Variants in MAPKBP1 observed in about 807,000 individuals in gnomAD.
MAPKBP1 encodes the protein mitogen-activated protein kinase binding protein 1.
A neutral mutation model predicts 170.5 loss-of-function variants in MAPKBP1; 71 were observed. The ratio of observed to expected loss-of-function variants is 0.42; its 90% CI spans 0.34 to 0.51. The LOEUF is 0.51. Ranked by LOEUF, MAPKBP1 falls within the 20% of genes least tolerant of loss-of-function variation. The probability of loss-of-function intolerance (pLI) is 0.06; values close to 1 mark genes in which losing one functional copy is unlikely to be tolerated. For synonymous variants in MAPKBP1, 719 were observed against 757.9 expected (o/e 0.95, Z 0.84); for missense variants, 1,598 against 1,933.0 (o/e 0.83, Z 3.25).
chr15:41,824,437 A>G (rs924435200), intron 29 of MAPKBP1, 47 bp from the exon 30 acceptor site: 2 of 1,525,802 alleles, frequency 1.3e-6, no homozygotes, highest in East Asian at 2.4e-5. Flanking sequence ...CGGAGGCCTG[A>G]AAGGGCTACA....
rs767527456 is a variant in MAPKBP1, at chr15:41,824,568, C to G, written c.4298C>G (p.Ser1433Trp). Reference protein sequence around the residue: ...SVRQAVRLYHSVAGCKMPSAE... With the variant: ...SVRQAVRLYHWVAGCKMPSAE... The stretch of plus-strand genomic sequence containing the variant: ...CGCCAGGCAGTGCGGCTCTACCACT[C>G]GGTGGGTGTTAGGTGCCCCCCGGCA... Residue 1433 changes from serine (S) to tryptophan (W), a missense_variant and splice_region_variant, in exon 30 of 31, where the codon TCG (serine) becomes TGG (tryptophan). Around this residue, in one of 6 missense-constraint regions of MAPKBP1, gnomAD observed 942 missense variants for 953.2 expected, o/e 0.99. Transcript: ENST00000457542. 1 of 1,591,700 alleles carries G rather than the reference C, an allele frequency of 6.3e-7. No individual in the cohort carries two copies. The highest frequency in any genetic ancestry group is 2.3e-5 in the East Asian group (1 of 44,132).
At chr15:41,802,494 G>C (rs375484840) in intron 3 of MAPKBP1, among the ~76,000 whole-genome samples, 6 of 151,882 alleles carry the variant, frequency 4.0e-5, no homozygotes, top group Non-Finnish European at 5.9e-5. Flanking sequence ...TTTTTTCCGA[G>C]ATGGAGTCTC....
Position 41,823,761 on chromosome 15 carries a change from G to T in MAPKBP1, c.3913G>T (p.Ala1305Ser), listed in dbSNP as rs751744892. 5 of 1,614,112 alleles carry T rather than the reference G, an allele frequency of 3.1e-6. No individual in the cohort carries two copies. The highest frequency in any genetic ancestry group is 4.2e-6 in the Non-Finnish European group (5 of 1,180,036). ...PKPLPDRPTL[A>S]AFSPVTKGRA... ...ACCACTGCCTGACCGTCCTACCCTG[G>T]CTGCATTCTCTCCTGTCACCAAAGG... The change falls in exon 29 of 31, where the codon GCT (alanine) becomes TCT (serine). Residue 1305 changes from alanine (A) to serine (S), a missense_variant. By Grantham distance (99) the Ala-to-Ser change is moderately conservative (BLOSUM62 1). Transcript: ENST00000457542.
At chr15:41,795,300 G>C (rs969182498) in intron 2 of MAPKBP1, among the ~76,000 whole-genome samples, 1 of 152,176 alleles carries the variant, frequency 6.6e-6, no homozygotes, top group African/African-American at 2.4e-5. Context: ...CAGGAAATTA[G>C]CTTTGTGCAT....
intron 29 of MAPKBP1, 130 bp downstream of exon 29, chr15:41,824,191 G>T (rs547637383): frequency 7.7e-7 from 1 of 1,298,356 alleles, no homozygotes; most frequent in Non-Finnish European, 1.1e-6. Flanking sequence ...TGCTCCTGTC[G>T]CAGGTCCGTA....
intron 3 of MAPKBP1, among the ~76,000 whole-genome samples, chr15:41,800,793 C>A (rs1005593625): frequency 6.6e-6 from 1 of 152,116 alleles, no homozygotes; most frequent in African/African-American, 2.4e-5. Context: ...CTTTTTGTTG[C>A]CCAGCCTGGA....
chr15:41,794,092 C>T (rs1169566875), intron 2 of MAPKBP1, among the ~76,000 whole-genome samples: 2 of 152,090 alleles, frequency 1.3e-5, no homozygotes, highest in African/African-American at 2.4e-5. Context: ...ATTAGCCAGA[C>T]ACGATGGTGG....
chr15:41,821,909 G>A, intron 24 of MAPKBP1, 56 bp from the exon 25 acceptor site: 1 of 1,587,502 alleles, frequency 6.3e-7, no homozygotes, highest in Middle Eastern at 2.2e-4. Context: ...AGTCCAGCGG[G>A]GCTGCTGCCT....
intron 12 of MAPKBP1, 54 bp from the exon 13 acceptor site, chr15:41,816,505 A>G: frequency 8.0e-7 from 1 of 1,244,862 alleles, no homozygotes; most frequent in Non-Finnish European, 1.2e-6. Flanking sequence ...AGGGGGCGTG[A>G]GTCCTTCCTG....
At position 41,817,631 on chromosome 15, in the gene MAPKBP1, G is replaced by A; in HGVS notation, c.1800G>A (p.Gln600=). ...CCCTGCAGTCTGGAGATGGAGTGCA[G>A]TTCACACGGACACACCACGTGGTGC... ...RTAQKSGDGV[Q]FTRTHHVVRK... is the part of the protein sequence containing the mutation. Residue 600 remains glutamine, a synonymous_variant, in exon 16 of 31, where the codon CAG becomes CAA. Transcript: ENST00000457542. The surrounding 1 kb of genome is among the most constrained non-coding windows in gnomAD (Gnocchi z 4.2). The A allele has an allele frequency of 2.5e-6, 4 of 1,614,210 alleles. No homozygotes were observed. The highest frequency in any genetic ancestry group is 3.4e-6 in the Non-Finnish European group (4 of 1,180,024).
rs2064602723 is a variant in MAPKBP1, at chr15:41,801,976, A to C, written c.206+2062A>C. Among the ~76,000 whole-genome samples the C allele has an allele frequency of 1.3e-5, 2 of 152,208 alleles. 1 individual carries two copies. Among genetic ancestry groups the C allele is most frequent in the South Asian group, 4.1e-4 (2 of 4,834 alleles). ...GCAGTTTCGTTGTTGAGTGAACATT[A>C]CAGAGTATACTTACACAAACCCTAG... On this transcript the variant is annotated intron_variant, in intron 3 of 30. Transcript: ENST00000457542.
chr15:41,812,843 T>G, intron 7 of MAPKBP1, 76 bp from the exon 8 acceptor site: 1 of 1,513,084 alleles, frequency 6.6e-7, no homozygotes, highest in Non-Finnish European at 8.8e-7. Context: ...AGGCGTCCCC[T>G]GTACTCTCCT....
intron 10 of MAPKBP1, among the ~76,000 whole-genome samples, chr15:41,815,030 A>G (rs532572087): frequency 2.0e-5 from 3 of 152,346 alleles, no homozygotes; most frequent in South Asian, 2.1e-4. Context: ...TGTTCTAAGA[A>G]TAAAATGAAA....
chr15:41,822,817 C>T (rs1446835067), intron 27 of MAPKBP1, 122 bp from the exon 28 acceptor site: 2 of 1,471,958 alleles, frequency 1.4e-6, no homozygotes, highest in African/African-American at 2.8e-5. Flanking sequence ...GGCCTTTCCC[C>T]AGCCCTATCT....
At chr15:41,813,287 C>T (rs1487851336) in intron 8 of MAPKBP1, 186 bp downstream of exon 8, 2 of 1,527,404 alleles carry the variant, frequency 1.3e-6, no homozygotes, top group African/African-American at 2.7e-5. Context: ...TGCCTCCTCT[C>T]TGCTCTTTCT....
At chr15:41,819,554 G>GGGGGGGGGC in intron 21 of MAPKBP1, 41 bp from the exon 22 acceptor site, 2 of 1,495,298 alleles carry the variant, frequency 1.3e-6, no homozygotes, top group South Asian at 1.1e-5. Context: ...TGGCGGGGGG[G>GGGGGGGGGC]GGGCAGGAGA....
rs1382484727 is a variant in MAPKBP1, at chr15:41,827,354, T to G, written c.*1918T>G. On this transcript the variant is annotated 3_prime_UTR_variant, in exon 31 of 31. Coordinates refer to ENST00000457542, the MANE Select transcript of MAPKBP1 (RefSeq NM_014994.3). ...GGTTCCCAGCTCCGGGGCATCAGCC[T>G]GAGTGCGCTTGAGCTGCTCCAAACC... 2 of 150,802 alleles carry G rather than the reference T, an allele frequency of 1.3e-5. No individual in the cohort carries two copies. The highest frequency in any genetic ancestry group is 1.3e-4 in the Admixed American group (2 of 15,116). The allele number at this position is 150,802 out of a possible 1,614,324, so 9.3% of individuals were successfully genotyped here.
Position 41,824,897 on chromosome 15 carries a change from T to TTA in MAPKBP1, c.4300-310_4300-309dup, listed in dbSNP as rs2065064468. On this transcript the variant is annotated intron_variant, in intron 30 of 30. Coordinates refer to ENST00000457542, the MANE Select transcript of MAPKBP1 (RefSeq NM_014994.3). Reference sequence around the variant, plus strand: ...TGGCATCCTTTTTCATATCCATGAATTATTTGGCCCCCTTAGACATAGGGG... The same window carrying TTA: ...TGGCATCCTTTTTCATATCCATGAATTATATTTGGCCCCCTTAGACATAGGGG... Among the ~76,000 whole-genome samples the TTA allele has an allele frequency of 2.6e-5, 4 of 152,342 alleles. No individual in the cohort carries two copies. The South Asian group carries it at 8.3e-4, about 32-fold the overall frequency.
In MAPKBP1 at chr15:41,809,728, T is replaced by G. The variant is rs907339555; in HGVS notation, c.207-1155T>G. Among the ~76,000 whole-genome samples, 4 of 152,374 alleles carry G rather than the reference T, an allele frequency of 2.6e-5. No individual in the cohort carries two copies. The South Asian group carries it at 8.3e-4, about 32-fold the overall frequency. On this transcript the variant is annotated intron_variant, in intron 3 of 30. Transcript: ENST00000457542. ...GCCTGGCTATTGGCCTTTGGCTTCT[T>G]GCCCCCGATTCCTACTACCCAGCTT...
Sources: allele counts gnomAD v4.1 joint callset (sites outside exome capture counted in the v4.1 genomes callset), GRCh38; gene constraint gnomAD v4.1.1; regional missense constraint gnomAD v4.1.1; non-coding constraint Gnocchi (gnomAD v3.1); transcripts MANE v1.5; gene names NCBI Gene and HGNC (gene_info 2026-07-23, HGNC 2026-07-21).